The following FXYD2 variants were observed in gnomAD, a reference collection of about 807,000 sequenced individuals.
FXYD2 encodes the protein FXYD domain containing ion transport regulator 2.
A neutral mutation model predicts 11.8 loss-of-function variants in FXYD2; 8 were observed. That is an observed-to-expected ratio of 0.68 (90% CI 0.40 to 1.22). FXYD2 has a LOEUF of 1.22. Ranked by LOEUF, FXYD2 falls within the 50% of genes most tolerant of loss-of-function variation. FXYD2 has a pLI of 0.01. For missense variants in FXYD2, 92 were observed against 91.8 expected (o/e 1.00, Z -0.01); for synonymous variants, 42 against 33.3 (o/e 1.26, Z -0.90).
At position 117,820,884 on chromosome 11, in the gene FXYD2, G is replaced by C; in HGVS notation, c.151C>G (p.Arg51Gly). ...GLLILLSRRFRCGGNKKRRQI... is the reference protein window; with the variant it reads ...GLLILLSRRFGCGGNKKRRQI... ...CTGCGCTTCTTATTGCCCCCACAGC[G>C]GAATCTTCTGCCTTGAAAAGAGAAA... Residue 51 changes from arginine to glycine, a missense_variant, in exon 4 of 6, where the codon CGC becomes GGC. Transcript: ENST00000292079. 1 of 1,613,164 alleles carries C rather than the reference G, an allele frequency of 6.2e-7. No individual in the cohort carries two copies. The highest frequency in any genetic ancestry group is 1.1e-5 in the South Asian group (1 of 91,052).
chr11:117,823,127 A>C (rs1011373968), intron 1 of FXYD2, among the ~76,000 whole-genome samples: 1 of 152,196 alleles, frequency 6.6e-6, no homozygotes, highest in Non-Finnish European at 1.5e-5. Flanking sequence ...GAATAAATAA[A>C]ACAGAACCTT....
chr11:117,825,911 A>G (rs1376948025), upstream of FXYD2, among the ~76,000 whole-genome samples: 3 of 152,122 alleles, frequency 2.0e-5, no homozygotes, highest in Non-Finnish European at 4.4e-5. Flanking sequence ...ATCCTCCCCA[A>G]GCAGGGGCAG....
chr11:117,822,427 C>T lies in FXYD2; in HGVS notation c.118G>A (p.Val40Met), dbSNP rs763031648. ...GLIFAGLAFIVGLLILLSRRF... is the reference protein window; with the variant it reads ...GLIFAGLAFIMGLLILLSRRF... ...TTACTGAGGAGGATGAGGAGCCCCA[C>T]GATGAAGGCCAGTCCAGCGAAGATC... is the stretch of plus-strand genomic sequence containing the variant. The change falls in exon 3 of 6, where the codon GTG becomes ATG. Residue 40 changes from valine (V) to methionine (M), a missense_variant. Coordinates refer to ENST00000292079, the MANE Select transcript of FXYD2 (RefSeq NM_001680.5). The surrounding 1 kb of genome is among the most constrained non-coding windows in gnomAD (Gnocchi z 4.7). 20 of 1,560,936 alleles carry T rather than the reference C, an allele frequency of 1.3e-5. No individual in the cohort carries two copies. The East Asian group carries it at 1.9e-4, about 15-fold the overall frequency.
At chr11:117,827,225 G>C (rs2134110868), upstream of FXYD2, among the ~76,000 whole-genome samples, 1 of 152,258 alleles carries the variant, frequency 6.6e-6, no homozygotes, top group Non-Finnish European at 1.5e-5. Context: ...CTGTGTGCAA[G>C]GCACCGTTTC....
In FXYD2 at chr11:117,824,016, G is replaced by A. The variant is rs1309635924; in HGVS notation, c.25+638C>T. ...TGTTTAAGGTCATATGGGGATTTAAGTGTCAGAGCAACAGCTAGACGCCAG... is the reference window on the plus strand; with the variant it reads ...TGTTTAAGGTCATATGGGGATTTAAATGTCAGAGCAACAGCTAGACGCCAG... On this transcript the variant is annotated intron_variant, in intron 1 of 5. Transcript: ENST00000292079. The surrounding 1 kb of genome is among the most constrained non-coding windows in gnomAD (Gnocchi z 4.0). 1 of 161,064 alleles carries A rather than the reference G, an allele frequency of 6.2e-6. No individual in the cohort carries two copies. Among genetic ancestry groups the A allele is most frequent in the Admixed American group, 5.7e-5 (1 of 17,496 alleles). The allele number at this position is 161,064 out of a possible 1,614,324, so 10.0% of individuals were successfully genotyped here.
upstream of FXYD2, chr11:117,827,930 G>T (rs1454792693): frequency 9.0e-7 from 1 of 1,111,812 alleles, no homozygotes; most frequent in Non-Finnish European, 1.3e-6. Flanking sequence ...GCACTTGAAA[G>T]GGACGGGGCT....
intron 3 of FXYD2, 108 bp from the exon 4 acceptor site, chr11:117,821,003 C>CTG: frequency 6.6e-7 from 1 of 1,512,444 alleles, no homozygotes; most frequent in South Asian, 1.1e-5. Context: ...CCAGTATCAT[C>CTG]GCAGGGTCAG....
Position 117,822,471 on chromosome 11 carries a change from G to C in FXYD2, c.74C>G (p.Thr25Ser). The C allele has an allele frequency of 1.3e-6, 2 of 1,560,950 alleles. No individual in the cohort carries two copies. The change falls in exon 3 of 6, where the codon ACC (threonine) becomes AGC (serine). Residue 25 changes from threonine to serine, a missense_variant. Physicochemically the swap from Thr to Ser is moderately conservative, Grantham distance 58. Transcript: ENST00000292079. This position sits in a 1 kb window ranked among gnomAD's most constrained non-coding sequence, Gnocchi z 4.7. ...DVDPFYYDYE[T>S]VRNGGLIFAG... ...GAAGATCAGGCCCCCATTGCGAACG[G>C]TCTCATAGTCTCCGGAAAGAGAGGG...
rs1591536538 is a variant in FXYD2, at chr11:117,824,558, A to G, written c.25+96T>C. 3 of 976,170 alleles carry G rather than the reference A, an allele frequency of 3.1e-6. No individual in the cohort carries two copies. The highest frequency in any genetic ancestry group is 1.6e-6 in the Non-Finnish European group (1 of 607,736). The allele number at this position is 976,170 out of a possible 1,614,324, so 60.5% of individuals were successfully genotyped here. A position where few individuals can be genotyped will look rare whatever the true frequency, so the allele number is the denominator to read the frequency against. ...TACTCTGGAAGGCTGAGGTGGCAGG[A>G]GAGGGAAGAGTAGGGTCCAGCTGAC... On this transcript the variant is annotated intron_variant, in intron 1 of 5. Transcript: ENST00000292079. The surrounding 1 kb of genome is among the most constrained non-coding windows in gnomAD (Gnocchi z 4.0).
intron 1 of FXYD2, among the ~76,000 whole-genome samples, chr11:117,823,095 A>G (rs2055949022): frequency 6.6e-6 from 1 of 152,222 alleles, no homozygotes; most frequent in African/African-American, 2.4e-5. Context: ...TCAGGTGCTT[A>G]GCAGCTATTT....
Sources: gnomAD v4.1 joint callset for allele counts (sites outside exome capture counted in the v4.1 genomes callset) on GRCh38, gnomAD v4.1.1 for gene constraint, Gnocchi (gnomAD v3.1) non-coding constraint, MANE v1.5 for transcripts, NCBI Gene and HGNC (gene_info 2026-07-23, HGNC 2026-07-21) for gene names.